The following OGFRL1 variants were observed in gnomAD, a reference collection of about 807,000 sequenced individuals.
OGFRL1 encodes opioid growth factor receptor like 1, also known as opioid growth factor receptor-like protein 1.
Under a neutral mutation model 32.4 loss-of-function variants are expected in OGFRL1, and 26 were observed. The ratio of observed to expected loss-of-function variants is 0.80; its 90% CI spans 0.59 to 1.11. OGFRL1 has a LOEUF of 1.11. OGFRL1 is among the 50% of genes most tolerant of loss of function. The probability of loss-of-function intolerance (pLI) is 0.00; values close to 1 mark genes in which losing one functional copy is unlikely to be tolerated. For missense variants in OGFRL1, 521 were observed against 546.4 expected (o/e 0.95, Z 0.46); for synonymous variants, 211 against 201.2 (o/e 1.05, Z -0.41).
intron 5 of OGFRL1, 42 bp downstream of exon 5, chr6:71,296,603 A>G: frequency 6.2e-7 from 1 of 1,607,448 alleles, no homozygotes; most frequent in Non-Finnish European, 8.5e-7. Context: ...TGGCCAAATA[A>G]TATTGCTATT....
intron 3 of OGFRL1, 25 bp downstream of exon 3, chr6:71,293,636 T>A (rs1306532197): frequency 1.4e-6 from 2 of 1,451,212 alleles, no homozygotes; most frequent in South Asian, 1.2e-5. Context: ...ACTTGATAAA[T>A]TGCACTTTAA....
At position 71,298,004 on chromosome 6, in the gene OGFRL1, C is replaced by T. The variant is rs370509108; in HGVS notation, c.692+1187C>T. 2.3e-5 allele frequency among the ~76,000 whole-genome samples: 3 copies of T among 131,884 alleles called. No individual in the cohort carries two copies. In the East Asian group the frequency reaches 7.5e-4, roughly 33 times the overall value. The allele number at this position is 131,884 out of a possible 152,430, so 86.5% of individuals were successfully genotyped here. The stretch of plus-strand genomic sequence containing the variant: ...GTGTGTGATGTTCCCCTTCCTGTGT[C>T]CATGTGTTCTCATTGTTCAATTCAG... On this transcript the variant is annotated intron_variant, in intron 6 of 6. Coordinates refer to ENST00000370435, the MANE Select transcript of OGFRL1 (RefSeq NM_024576.5).
In OGFRL1 at chr6:71,302,012, G is replaced by T. The variant is rs1304102892; in HGVS notation, c.1319G>T (p.Gly440Val). 6.3e-7 allele frequency: 1 copy of T among 1,593,146 alleles called. No individual in the cohort carries two copies. The highest frequency in any genetic ancestry group is 1.4e-5 in the African/African-American group (1 of 73,760). ...GNDNQDNENP[G>V]NTNCHDVVLV... ...GATAACCAAGACAATGAAAATCCTG[G>T]AAATACAAATTGCCATGATGTTGTA... The change falls in exon 7 of 7, where the codon GGA becomes GTA. Residue 440 changes from glycine to valine, a missense_variant. Transcript: ENST00000370435.
At chr6:71,292,372 T>A (rs906672730) in intron 1 of OGFRL1, among the ~76,000 whole-genome samples, 4 of 152,222 alleles carry the variant, frequency 2.6e-5, no homozygotes, top group African/African-American at 9.6e-5. Context: ...AGGATGCCAA[T>A]CTGTCAACAC....
In OGFRL1 at chr6:71,289,078, G is replaced by A. The variant is rs747349775; in HGVS notation, c.142G>A (p.Glu48Lys). 2 of 1,171,758 alleles carry A rather than the reference G, an allele frequency of 1.7e-6. No individual in the cohort carries two copies. Among genetic ancestry groups the A allele is most frequent in the African/African-American group, 1.6e-5 (1 of 60,848 alleles). The allele number at this position is 1,171,758 out of a possible 1,614,324, so 72.6% of individuals were successfully genotyped here. Residue 48 changes from glutamate to lysine, a missense_variant, in exon 1 of 7, where the codon GAG becomes AAG. Coordinates refer to ENST00000370435, the MANE Select transcript of OGFRL1 (RefSeq NM_024576.5). Reference protein sequence around the residue: ...GGSEGPGQESEQPAQPPEQAG... With the variant: ...GGSEGPGQESKQPAQPPEQAG... The stretch of plus-strand genomic sequence containing the variant: ...CAGCGAGGGCCCGGGGCAGGAGTCC[G>A]AGCAGCCCGCGCAGCCCCCGGAGCA...
At chr6:71,295,975 CA>C (rs952684546) in intron 3 of OGFRL1, among the ~76,000 whole-genome samples, 1 of 151,980 alleles carries the variant, frequency 6.6e-6, no homozygotes, top group Non-Finnish European at 1.5e-5. Context: ...TACTGTAGTA[CA>C]AAAACTGCCA....
intron 6 of OGFRL1, among the ~76,000 whole-genome samples, 190 bp from the exon 7 acceptor site, chr6:71,301,194 TTA>T (rs1315224783): frequency 6.6e-6 from 1 of 152,238 alleles, no homozygotes; most frequent in East Asian, 1.9e-4. Context: ...TAGATTGACA[TTA>T]CATTGTGGCC....
chr6:71,301,694 C>G lies in OGFRL1; in HGVS notation c.1001C>G (p.Ser334Cys). ...KAQKMSSPLA[S>C]SHNSQTSMHK... ...CAGAAAATGTCTTCCCCTCTCGCCT[C>G]CAGTCATAACAGTCAAACTTCTATG... Residue 334 changes from serine (S) to cysteine (C), a missense_variant, in exon 7 of 7, where the codon TCC becomes TGC. Physicochemically the swap from Ser to Cys is moderately radical, Grantham distance 112. Coordinates refer to ENST00000370435, the MANE Select transcript of OGFRL1 (RefSeq NM_024576.5). The G allele has an allele frequency of 6.2e-7, 1 of 1,613,982 alleles. No homozygotes were observed. The highest frequency in any genetic ancestry group is 8.5e-7 in the Non-Finnish European group (1 of 1,180,020).
intron 1 of OGFRL1, chr6:71,291,520 C>G (rs373680064): frequency 6.6e-6 from 1 of 151,916 alleles, no homozygotes; most frequent in Non-Finnish European, 1.5e-5. Context: ...TGTTTGAGAT[C>G]GAGAAGAGAG....
At position 71,308,366 on chromosome 6, in the gene OGFRL1, G is replaced by A. The variant is rs1766617734; in HGVS notation, c.*6317G>A. 6.6e-6 allele frequency: 1 copy of A among 152,158 alleles called. No individual in the cohort carries two copies. The highest frequency in any genetic ancestry group is 6.5e-5 in the Admixed American group (1 of 15,282). 9.4% of individuals were successfully genotyped at this position (152,158 alleles called of 1,614,324 possible). ...CTCCTGTTTTTAAAAAGGGCTTTAA[G>A]TTGTTTCCTATGTAAGGTAATCTTT... is the stretch of plus-strand genomic sequence containing the variant. On this transcript the variant is annotated 3_prime_UTR_variant, in exon 7 of 7. Coordinates refer to ENST00000370435, the MANE Select transcript of OGFRL1 (RefSeq NM_024576.5).
rs1302894603 is a variant in OGFRL1 at position 71,302,768 on chromosome 6, C to G, written c.*719C>G. On this transcript the variant is annotated 3_prime_UTR_variant, in exon 7 of 7. Transcript: ENST00000370435. ...TACAGGCATGAGCCACCATGTCTGG[C>G]TGATTAATTTTTTTTTTAACTGTAA... 1 of 152,228 alleles carries G rather than the reference C, an allele frequency of 6.6e-6. No individual in the cohort carries two copies. Among genetic ancestry groups the G allele is most frequent in the Non-Finnish European group, 1.5e-5 (1 of 68,082 alleles). The allele number at this position is 152,228 out of a possible 1,614,324, so 9.4% of individuals were successfully genotyped here.
At chr6:71,289,339 G>C in intron 1 of OGFRL1, 169 bp downstream of exon 1, 1 of 968,708 alleles carries the variant, frequency 1.0e-6, no homozygotes, top group Non-Finnish European at 1.2e-6. Flanking sequence ...TGGAGCCCGG[G>C]GGCCTGCAGG....
rs565094216 is a variant in OGFRL1 at position 71,303,624 on chromosome 6, T to C, written c.*1575T>C. ...CCCTTAAACCATGAATATGTCAGTG[T>C]TCTATGGATTACGAAATTAGTAATG... On this transcript the variant is annotated 3_prime_UTR_variant, in exon 7 of 7. Coordinates refer to ENST00000370435, the MANE Select transcript of OGFRL1 (RefSeq NM_024576.5). The C allele has an allele frequency of 2.0e-5, 3 of 152,324 alleles. No individual in the cohort carries two copies. The South Asian group carries it at 6.2e-4, about 32-fold the overall frequency. The allele number at this position is 152,324 out of a possible 1,614,324, so 9.4% of individuals were successfully genotyped here.
rs1175996087 is a variant in OGFRL1 at position 71,304,382 on chromosome 6, T to A, written c.*2333T>A. 1 of 152,150 alleles carries A rather than the reference T, an allele frequency of 6.6e-6. No homozygotes were observed. Among genetic ancestry groups the A allele is most frequent in the Non-Finnish European group, 1.5e-5 (1 of 67,992 alleles). The allele number at this position is 152,150 out of a possible 1,614,324, so 9.4% of individuals were successfully genotyped here. On this transcript the variant is annotated 3_prime_UTR_variant, in exon 7 of 7. Transcript: ENST00000370435. ...GTAGCTGTGTCTCCGTAGAGCTCAG[T>A]AAATAGTTCTACAGGGTTTAGAGGA...
rs1463202458 is a variant in OGFRL1, at chr6:71,307,638, ATATT to A, written c.*5592_*5595del. ...TGCTAAAATACCTTTTTCTCTAAAA[ATATT>A]TAAGCTTTAGGGTTTGTCATAGTTT... On this transcript the variant is annotated 3_prime_UTR_variant, in exon 7 of 7. Transcript: ENST00000370435. 2.0e-5 allele frequency: 3 copies of A among 152,160 alleles called. No individual in the cohort carries two copies. Among genetic ancestry groups the A allele is most frequent in the African/African-American group, 4.8e-5 (2 of 41,446 alleles). The allele number at this position is 152,160 out of a possible 1,614,324, so 9.4% of individuals were successfully genotyped here.
At chr6:71,294,253 C>A (rs969806758) in intron 3 of OGFRL1, among the ~76,000 whole-genome samples, 3 of 152,078 alleles carry the variant, frequency 2.0e-5, no homozygotes, top group Admixed American at 6.6e-5. Flanking sequence ...AATATGACCA[C>A]AACATTGCAT....
chr6:71,290,555 A>T (rs1766018767), intron 1 of OGFRL1, among the ~76,000 whole-genome samples: 1 of 152,248 alleles, frequency 6.6e-6, no homozygotes, highest in South Asian at 2.1e-4. Flanking sequence ...CCCAGTAACT[A>T]GTAGACTACA....
In OGFRL1 at chr6:71,301,524, G is replaced by C. The variant is rs1045195751; in HGVS notation, c.831G>C (p.Gln277His). 1 of 1,613,970 alleles carries C rather than the reference G, an allele frequency of 6.2e-7. No homozygotes were observed. The highest frequency in any genetic ancestry group is 1.3e-5 in the African/African-American group (1 of 74,900). The stretch of plus-strand genomic sequence containing the variant: ...AGAATACTATTCCCAATATTAAGCA[G>C]AGTGCTCTAGAGTATTTTGTTTATA... The part of the protein sequence containing the change: ...LVENTIPNIK[Q>H]SALEYFVYTI... Residue 277 changes from glutamine (Q) to histidine (H), a missense_variant, in exon 7 of 7, where the codon CAG (glutamine) becomes CAC (histidine). Gln to His is a conservative substitution (Grantham distance 24). Coordinates refer to ENST00000370435, the MANE Select transcript of OGFRL1 (RefSeq NM_024576.5).
chr6:71,308,608 A>G lies in OGFRL1; in HGVS notation c.*6559A>G, dbSNP rs1766626534. On this transcript the variant is annotated 3_prime_UTR_variant, in exon 7 of 7. Coordinates refer to ENST00000370435, the MANE Select transcript of OGFRL1 (RefSeq NM_024576.5). ...TTACAGAATGCTGTGCATGTTCGTT[A>G]GTACCAATACCATGTGTATGTGGTA... The G allele has an allele frequency of 6.6e-6, 1 of 152,190 alleles. No individual in the cohort carries two copies. The highest frequency in any genetic ancestry group is 2.4e-5 in the African/African-American group (1 of 41,446). 9.4% of individuals were successfully genotyped at this position (152,190 alleles called of 1,614,324 possible).
Sources: gnomAD v4.1 joint callset for allele counts (sites outside exome capture counted in the v4.1 genomes callset) on GRCh38, gnomAD v4.1.1 for gene constraint, MANE v1.5 for transcripts, NCBI Gene and HGNC (gene_info 2026-07-23, HGNC 2026-07-21) for gene names.